OPCML: variants seen among roughly 807,000 people sequenced by gnomAD.
OPCML encodes the protein opioid binding protein/cell adhesion molecule like, also known as opioid-binding protein/cell adhesion molecule.
OPCML carries 13 observed loss-of-function variants against 37.8 expected under a neutral mutation model. The ratio of observed to expected loss-of-function variants is 0.34; its 90% CI spans 0.22 to 0.55. The LOEUF is 0.55. OPCML is among the 20% of genes least tolerant of loss of function. The pLI is 0.91. For missense variants in OPCML, 341 were observed against 435.6 expected (o/e 0.78, Z 1.93); for synonymous variants, 176 against 168.8 (o/e 1.04, Z -0.33).
At chr11:132,759,304 G>C (rs1291673527) in intron 2 of OPCML, among the ~76,000 whole-genome samples, 2 of 152,154 alleles carry the variant, frequency 1.3e-5, no homozygotes, top group Non-Finnish European at 2.9e-5. Context: ...TCAGGATGAT[G>C]CTGGCCTCAT....
At chr11:132,821,295 C>T (rs1939971834) in intron 2 of OPCML, among the ~76,000 whole-genome samples, 1 of 152,146 alleles carries the variant, frequency 6.6e-6, no homozygotes, top group South Asian at 2.1e-4. Context: ...CCAGACATCC[C>T]CTAGGCACAA....
chr11:132,610,626 C>T (rs1258820922), intron 3 of OPCML, among the ~76,000 whole-genome samples: 2 of 152,116 alleles, frequency 1.3e-5, no homozygotes, highest in Admixed American at 6.5e-5. Flanking sequence ...GTGGGGGATG[C>T]TCGATGGTCT....
chr11:132,903,507 T>G (rs2136509246), intron 2 of OPCML, among the ~76,000 whole-genome samples: 1 of 152,300 alleles, frequency 6.6e-6, no homozygotes, highest in East Asian at 1.9e-4. Flanking sequence ...AAACTACTAA[T>G]AGTTCAGGCT....
chr11:133,045,066 G>T (rs1029233948), intron 1 of OPCML, among the ~76,000 whole-genome samples: 7 of 152,180 alleles, frequency 4.6e-5, no homozygotes, highest in African/African-American at 1.4e-4. Context: ...CTGTCCTAGA[G>T]CTGGTTCAAA....
rs765674419 is a variant in OPCML at position 132,877,479 on chromosome 11, T to A, written c.146+65447A>T. Among the ~76,000 whole-genome samples, 19 of 152,310 alleles carry A rather than the reference T, an allele frequency of 1.2e-4. No homozygotes were observed. The South Asian group carries it at 2.7e-3, about 22-fold the overall frequency. On this transcript the variant is annotated intron_variant, in intron 2 of 7. Coordinates refer to ENST00000524381, the MANE Select transcript of OPCML (RefSeq NM_001012393.5). ...TGGTCACCTGAAGAGTTCATTTGAC[T>A]TCTCAGTTCTTCATTCTTTATTTGT...
chr11:133,515,192 C>T (rs1948239482), intron 1 of OPCML, among the ~76,000 whole-genome samples: 1 of 152,184 alleles, frequency 6.6e-6, no homozygotes, highest in South Asian at 2.1e-4. Flanking sequence ...AGGTGCAGTC[C>T]TGTAATACAA....
chr11:132,914,956 A>C (rs896611904), intron 2 of OPCML, among the ~76,000 whole-genome samples: 4 of 152,228 alleles, frequency 2.6e-5, no homozygotes, highest in East Asian at 1.9e-4. Flanking sequence ...TTATATAACC[A>C]ATCACATTGC....
intron 2 of OPCML, among the ~76,000 whole-genome samples, chr11:132,661,874 T>C (rs1941990650): frequency 6.6e-6 from 1 of 152,152 alleles, no homozygotes; most frequent in South Asian, 2.1e-4. Flanking sequence ...ATATCCACAT[T>C]TTACAGATGA....
chr11:133,383,511 C>A (rs1308925956), intron 1 of OPCML, among the ~76,000 whole-genome samples: 1 of 152,170 alleles, frequency 6.6e-6, no homozygotes, highest in Non-Finnish European at 1.5e-5. Context: ...TTTGATTTTA[C>A]TTGTTTTTGG....
At chr11:132,700,914 T>C (rs1202532422) in intron 2 of OPCML, among the ~76,000 whole-genome samples, 1 of 152,218 alleles carries the variant, frequency 6.6e-6, no homozygotes. Context: ...TATTGTTATC[T>C]ATTTTGCTCT....
intron 1 of OPCML, among the ~76,000 whole-genome samples, chr11:132,994,007 G>A (rs1489463490): frequency 1.3e-5 from 2 of 152,200 alleles, no homozygotes. Flanking sequence ...CCTCCGCAGG[G>A]AGACGTCTGG....
At chr11:133,286,236 G>T (rs1288747638) in intron 1 of OPCML, among the ~76,000 whole-genome samples, 1 of 152,018 alleles carries the variant, frequency 6.6e-6, no homozygotes, top group Admixed American at 6.6e-5. Flanking sequence ...GGATCTCGAG[G>T]TCAGGAGATC....
intron 2 of OPCML, among the ~76,000 whole-genome samples, chr11:132,914,929 G>A (rs529594700): frequency 6.6e-6 from 1 of 152,352 alleles, no homozygotes; most frequent in East Asian, 1.9e-4. Flanking sequence ...TTTGCTTTAT[G>A]AGACAAATGC....
rs183339174 is a variant in OPCML, at chr11:132,660,439, G to T, written c.147-3120C>A. On this transcript the variant is annotated intron_variant, in intron 2 of 7. Coordinates refer to ENST00000524381, the MANE Select transcript of OPCML (RefSeq NM_001012393.5). ...CAATGAATTGGAAAATACCTGACTCGCAAAGGGGTTTATAACATGGCATCA... is the reference window on the plus strand; with the variant it reads ...CAATGAATTGGAAAATACCTGACTCTCAAAGGGGTTTATAACATGGCATCA... Among the ~76,000 whole-genome samples, 5 of 152,130 alleles carry T rather than the reference G, an allele frequency of 3.3e-5. No homozygotes were observed. In the East Asian group the frequency reaches 7.7e-4, roughly 24 times the overall value.
intron 2 of OPCML, among the ~76,000 whole-genome samples, chr11:132,659,833 A>C (rs1192364897): frequency 1.3e-5 from 2 of 152,168 alleles, no homozygotes; most frequent in African/African-American, 4.8e-5. Context: ...TAACACGTGC[A>C]TTGTTCCTTT....
At chr11:133,157,215 G>C (rs187234155) in intron 1 of OPCML, among the ~76,000 whole-genome samples, 12 of 152,136 alleles carry the variant, frequency 7.9e-5, no homozygotes, top group African/African-American at 2.9e-4. Context: ...CGGGCACCAC[G>C]GGCAGGCTGT....
intron 1 of OPCML, among the ~76,000 whole-genome samples, chr11:133,351,758 T>C (rs954084931): frequency 1.3e-5 from 2 of 152,082 alleles, no homozygotes; most frequent in African/African-American, 4.8e-5. Context: ...AACAGGCTTC[T>C]CATACTTCAC....
chr11:132,480,607 G>A (rs2096176224), intron 4 of OPCML, among the ~76,000 whole-genome samples: 1 of 152,118 alleles, frequency 6.6e-6, no homozygotes, highest in Non-Finnish European at 1.5e-5. Context: ...AAATGTTAAG[G>A]GCAGCCAGAG....
chr11:133,440,743 A>C (rs935003258), intron 1 of OPCML, among the ~76,000 whole-genome samples: 1 of 143,758 alleles, frequency 7.0e-6, no homozygotes, highest in African/African-American at 2.7e-5. Context: ...AAAAAAAAAA[A>C]AACAGAAACC....
Sources: allele counts gnomAD v4.1 joint callset (sites outside exome capture counted in the v4.1 genomes callset), GRCh38; gene constraint gnomAD v4.1.1; transcripts MANE v1.5; gene names NCBI Gene and HGNC (gene_info 2026-07-23, HGNC 2026-07-21).